Variants in HPSE2 observed in about 807,000 individuals in gnomAD.
The protein encoded by HPSE2 is inactive heparanase-2.
In HPSE2, 38 loss-of-function variants were observed where a neutral mutation model predicts 60.5. The observed-to-expected ratio is 0.63, with a 90% CI of 0.48 to 0.82. HPSE2 has a LOEUF of 0.82. HPSE2 is among the 40% of genes least tolerant of loss of function. The pLI is 0.00. For missense variants in HPSE2, 713 were observed against 740.4 expected (o/e 0.96, Z 0.43); for synonymous variants, 295 against 293.2 (o/e 1.01, Z -0.06).
At chr10:99,247,418 T>C in the HPSE2 span, among the ~76,000 whole-genome samples, 1 of 152,222 alleles carries the variant, frequency 6.6e-6, no homozygotes, top group African/African-American at 2.4e-5. Context: ...AATGAAAACA[T>C]GATACCCGCT....
chr10:99,243,629 T>C, the HPSE2 span, among the ~76,000 whole-genome samples: 1 of 152,204 alleles, frequency 6.6e-6, no homozygotes, highest in Non-Finnish European at 1.5e-5. Context: ...AAGCAATGTA[T>C]ATAAATCATG....
chr10:99,078,132 T>G (rs532859738), intron 3 of HPSE2, among the ~76,000 whole-genome samples: 6 of 152,340 alleles, frequency 3.9e-5, no homozygotes, highest in African/African-American at 1.4e-4. Context: ...CCATGCTTCC[T>G]GTACAGCCCA....
chr10:98,768,308 T>C (rs1181269685), intron 3 of HPSE2, among the ~76,000 whole-genome samples: 1 of 152,196 alleles, frequency 6.6e-6, no homozygotes, highest in Non-Finnish European at 1.5e-5. Context: ...CACTTACTTG[T>C]TCCAATTAAA....
chr10:98,743,276 T>C (rs1485475892), intron 4 of HPSE2, among the ~76,000 whole-genome samples: 2 of 152,118 alleles, frequency 1.3e-5, no homozygotes, highest in East Asian at 3.9e-4. Context: ...CAGCCAAGAA[T>C]GGGTCTCTTC....
intron 2 of HPSE2, among the ~76,000 whole-genome samples, chr10:99,207,778 T>C (rs11190017): frequency 0.5 from 75,176 of 151,486 alleles, 21,728 homozygotes; most frequent in Non-Finnish European, 0.64. Flanking sequence ...AAATACAAAG[T>C]AAAAACCTAT....
Position 98,546,136 on chromosome 10 carries a change from G to C in HPSE2, c.1321-55940C>G, listed in dbSNP as rs1379897674. On this transcript the variant is annotated intron_variant, in intron 9 of 11. Coordinates refer to ENST00000370552, the MANE Select transcript of HPSE2 (RefSeq NM_021828.5). ...TCTTCAAGGAGAACTACAAGCCACT[G>C]CTCAATGAAATAAAAGAGGATACAA... Among the ~76,000 whole-genome samples, 3 of 135,608 alleles carry C rather than the reference G, an allele frequency of 2.2e-5. 1 individual carries two copies. Among genetic ancestry groups the C allele is most frequent in the Non-Finnish European group, 3.3e-5 (2 of 60,108 alleles). 89.0% of individuals were successfully genotyped at this position (135,608 alleles called of 152,430 possible).
At chr10:98,802,606 T>C (rs1303745507) in intron 3 of HPSE2, among the ~76,000 whole-genome samples, 1 of 151,558 alleles carries the variant, frequency 6.6e-6, no homozygotes, top group East Asian at 2.0e-4. Context: ...TTACTGAGAA[T>C]GATGATTTCC....
chr10:98,886,882 G>A (rs925335824), intron 3 of HPSE2, among the ~76,000 whole-genome samples: 2 of 152,098 alleles, frequency 1.3e-5, no homozygotes, highest in African/African-American at 4.8e-5. Flanking sequence ...TGAATCATGG[G>A]TCTGGCATTT....
chr10:99,043,514 C>G (rs1957789559), intron 3 of HPSE2, among the ~76,000 whole-genome samples: 1 of 151,952 alleles, frequency 6.6e-6, no homozygotes, highest in Non-Finnish European at 1.5e-5. Flanking sequence ...AACAAACAAA[C>G]AAAAACAGTT....
intron 9 of HPSE2, among the ~76,000 whole-genome samples, chr10:98,543,829 C>G (rs1411142533): frequency 6.6e-6 from 1 of 152,144 alleles, no homozygotes; most frequent in African/African-American, 2.4e-5. Flanking sequence ...ATTCATGAAG[C>G]AAGTCCTGAG....
intron 3 of HPSE2, among the ~76,000 whole-genome samples, chr10:99,039,806 A>C (rs1243493268): frequency 6.6e-6 from 1 of 152,068 alleles, no homozygotes; most frequent in Non-Finnish European, 1.5e-5. Flanking sequence ...AATCAGTAGA[A>C]AGGGAAAATT....
chr10:99,225,634 TAGAG>T (rs1849447959), intron 2 of HPSE2, among the ~76,000 whole-genome samples: 1 of 152,042 alleles, frequency 6.6e-6, no homozygotes, highest in African/African-American at 2.4e-5. Context: ...ACAGTTTAGT[TAGAG>T]GGAGGGGATG....
chr10:99,047,821 T>C lies in HPSE2; in HGVS notation c.610+96417A>G, dbSNP rs1239826628. On this transcript the variant is annotated intron_variant, in intron 3 of 11. Coordinates refer to ENST00000370552, the MANE Select transcript of HPSE2 (RefSeq NM_021828.5). ...AAGCAAAGCACTATCACAAGGAATA[T>C]AGGCAGATGTACAGAACTGAAATTT... The C allele has an allele frequency of 9.9e-6, 8 of 805,184 alleles. No homozygotes were observed. The East Asian group carries it at 1.9e-4, about 19-fold the overall frequency. 49.9% of individuals were successfully genotyped at this position (805,184 alleles called of 1,614,324 possible).
intron 3 of HPSE2, among the ~76,000 whole-genome samples, chr10:99,081,657 G>C (rs1843145366): frequency 6.6e-6 from 1 of 151,114 alleles, no homozygotes; most frequent in African/African-American, 2.4e-5. Context: ...TTTTTTTAAA[G>C]ACGGAATCTC....
At chr10:98,725,202 C>T (rs985317368) in intron 4 of HPSE2, among the ~76,000 whole-genome samples, 1 of 152,128 alleles carries the variant, frequency 6.6e-6, no homozygotes, top group African/African-American at 2.4e-5. Context: ...GCCAAAAGAA[C>T]AAAGCTGGAG....
chr10:98,624,226 A>G (rs1946147728), intron 7 of HPSE2, among the ~76,000 whole-genome samples: 1 of 152,226 alleles, frequency 6.6e-6, no homozygotes. Flanking sequence ...ATGGAAGAAA[A>G]CAAAACAGAG....
chr10:98,596,723 C>A (rs1015144566), intron 9 of HPSE2, among the ~76,000 whole-genome samples: 1 of 152,092 alleles, frequency 6.6e-6, no homozygotes, highest in Non-Finnish European at 1.5e-5. Flanking sequence ...CTGCTGCTAT[C>A]CTTATTGGAA....
intron 3 of HPSE2, among the ~76,000 whole-genome samples, chr10:99,008,258 T>C (rs1458029334): frequency 6.6e-6 from 1 of 152,224 alleles, no homozygotes; most frequent in African/African-American, 2.4e-5. Context: ...TGAGTCATTG[T>C]TTTCTTTTTT....
At chr10:98,687,872 T>C (rs1947958010) in intron 6 of HPSE2, among the ~76,000 whole-genome samples, 1 of 152,174 alleles carries the variant, frequency 6.6e-6, no homozygotes, top group Admixed American at 6.5e-5. Flanking sequence ...CAGAATATAA[T>C]TGAGTCTTCT....
Sources: allele counts gnomAD v4.1 joint callset (sites outside exome capture counted in the v4.1 genomes callset), GRCh38; gene constraint gnomAD v4.1.1; transcripts MANE v1.5; gene names NCBI Gene and HGNC (gene_info 2026-07-23, HGNC 2026-07-21).